Variants in VASP observed in about 807,000 individuals in gnomAD.
VASP encodes the protein vasodilator stimulated phosphoprotein, also known as vasodilator-stimulated phosphoprotein.
VASP carries 27 observed loss-of-function variants against 54.4 expected under a neutral mutation model. The ratio of observed to expected loss-of-function variants is 0.50; its 90% confidence interval spans 0.37 to 0.68. The LOEUF (loss-of-function observed/expected upper bound fraction) is 0.68. VASP is among the 30% of genes least tolerant of loss of function. VASP has a pLI of 0.00. For synonymous variants in VASP, 233 were observed against 209.8 expected (o/e 1.11, Z -0.96); for missense variants, 488 against 528.3 (o/e 0.92, Z 0.75).
Position 45,518,087 on chromosome 19 carries a change from G to C in VASP, c.336G>C (p.Ala112=). 1 of 1,613,052 alleles carries C rather than the reference G, an allele frequency of 6.2e-7. No homozygotes were observed. The highest frequency in any genetic ancestry group is 8.5e-7 in the Non-Finnish European group (1 of 1,179,666). ...CCGGCATGGCCAGTGCCCTAGAGGC[G>C]TTGGAAGGTCAGAAATGGCGGCGGG... is the stretch of plus-strand genomic sequence containing the variant. ...FAAGMASALE[A]LEGGGPPPPP... The change falls in exon 3 of 13, where the codon GCG becomes GCC. Residue 112 remains alanine, a synonymous_variant. Transcript: ENST00000245932.
rs376225995 is a variant in VASP at position 45,524,587 on chromosome 19, C to T, written c.974C>T (p.Ser325Leu). 3.2e-5 allele frequency: 52 copies of T among 1,613,826 alleles called. No homozygotes were observed. In the East Asian group the frequency reaches 9.1e-4, roughly 28 times the overall value. ...TTLPRMKSSS[S>L]VTTSETQPCT... ...TCCCCCAGGATGAAGTCGTCTTCTT[C>T]GGTGACCACTTCCGAGACCCAACCC... The change falls in exon 11 of 13, where the codon TCG becomes TTG. Residue 325 changes from serine to leucine, a missense_variant. Around this residue, in one of 4 missense-constraint regions of VASP, gnomAD observed 126 missense variants for 134.8 expected, o/e 0.94. Coordinates refer to ENST00000245932, the MANE Select transcript of VASP (RefSeq NM_003370.4).
At chr19:45,513,624 T>A (rs1568386092) in intron 1 of VASP, among the ~76,000 whole-genome samples, 1 of 151,828 alleles carries the variant, frequency 6.6e-6, no homozygotes, top group East Asian at 1.9e-4. Context: ...TGAGCCACCA[T>A]GCCTGGCTAA....
intron 3 of VASP, among the ~76,000 whole-genome samples, chr19:45,519,051 G>A (rs1210125205): frequency 6.6e-6 from 1 of 152,040 alleles, no homozygotes; most frequent in Admixed American, 6.6e-5. Context: ...GTCTCACTCT[G>A]TTGCCCAGGC....
Position 45,522,340 on chromosome 19 carries a change from G to C in VASP, c.479G>C (p.Gly160Ala). ...GCCCCCTTTTCTGTGTTTGTTTCAG[G>C]AGGCCCACCTGCTCCCCCCGCTGGG... ...EHIERRVSNA[G>A]GPPAPPAGGP... The change falls in exon 6 of 13, where the codon GGA becomes GCA. Residue 160 changes from glycine to alanine, a missense_variant and splice_region_variant. Physicochemically the swap from Gly to Ala is moderately conservative, Grantham distance 60. This residue lies in a region of VASP where 226 missense variants were observed against 196.0 expected (regional missense o/e 1.15). Transcript: ENST00000245932. 6.2e-7 allele frequency: 1 copy of C among 1,603,736 alleles called. No individual in the cohort carries two copies. Among genetic ancestry groups the C allele is most frequent in the South Asian group, 1.1e-5 (1 of 89,762 alleles).
At chr19:45,508,754 C>T (rs1299628228) in intron 1 of VASP, among the ~76,000 whole-genome samples, 1 of 152,196 alleles carries the variant, frequency 6.6e-6, no homozygotes, top group East Asian at 1.9e-4. Context: ...TAGCCCTCTT[C>T]CCTAGGGACC....
Position 45,507,829 on chromosome 19 carries a change from CG to C in VASP, c.5+54del. The C allele has an allele frequency of 2.4e-6, 3 of 1,230,362 alleles. No individual in the cohort carries two copies. Among genetic ancestry groups the C allele is most frequent in the Non-Finnish European group, 2.1e-6 (2 of 945,866 alleles). 76.2% of individuals were successfully genotyped at this position (1,230,362 alleles called of 1,614,324 possible). On this transcript the variant is annotated intron_variant, in intron 1 of 12. Coordinates refer to ENST00000245932, the MANE Select transcript of VASP (RefSeq NM_003370.4). This position sits in a 1 kb window ranked among gnomAD's most constrained non-coding sequence, Gnocchi z 4.4. ...CCCCGCCCGGGCGGGCTCCGCGCCCCGCCTTTGTCCCCCTCCCCCCCAGCTA... is the reference window on the plus strand; with the variant it reads ...CCCCGCCCGGGCGGGCTCCGCGCCCCCCTTTGTCCCCCTCCCCCCCAGCTA...
rs2301283 is a variant in VASP, at chr19:45,521,326, T to G, written c.348T>G (p.Gly116=). 0.04 allele frequency: 63,072 copies of G among 1,574,162 alleles called. 2,371 individuals are homozygous for G. The highest frequency in any genetic ancestry group is 0.2 in the East Asian group (8,539 of 42,730). Residue 116 remains glycine (G), a synonymous_variant, in exon 4 of 13, where the codon GGT becomes GGG. Transcript: ENST00000245932. Reference sequence around the variant, plus strand: ...CCTTTCTCTCTCACCTTTCAGGAGGTGGGCCCCCTCCACCCCCAGCACTTC... The same window carrying G: ...CCTTTCTCTCTCACCTTTCAGGAGGGGGGCCCCCTCCACCCCCAGCACTTC... The part of the protein sequence containing the change: ...MASALEALEG[G]GPPPPPALPT...
chr19:45,514,154 G>T (rs1214168401), intron 1 of VASP, among the ~76,000 whole-genome samples: 1 of 152,164 alleles, frequency 6.6e-6, no homozygotes, highest in Non-Finnish European at 1.5e-5. Context: ...GCCTGAGGAA[G>T]AAGCAGCACA....
intron 11 of VASP, among the ~76,000 whole-genome samples, chr19:45,525,534 A>G (rs1181907958): frequency 6.6e-6 from 1 of 152,210 alleles, no homozygotes; most frequent in East Asian, 1.9e-4. Context: ...CCCTGTCTCT[A>G]CTAAAAATAC....
intron 9 of VASP, 50 bp from the exon 10 acceptor site, chr19:45,524,047 G>T (rs138814428): frequency 1.6e-5 from 26 of 1,612,734 alleles, no homozygotes; most frequent in Middle Eastern, 3.3e-4. Context: ...AAGATTGATT[G>T]GGGGGCAGTC....
At chr19:45,509,392 C>A (rs1438521849) in intron 1 of VASP, among the ~76,000 whole-genome samples, 1 of 88,914 alleles carries the variant, frequency 1.1e-5, no homozygotes, top group Non-Finnish European at 2.5e-5. Context: ...CGCCCCTCCA[C>A]CCCCCCTCGC....
At chr19:45,517,455 C>T (rs1018124091) in intron 1 of VASP, among the ~76,000 whole-genome samples, 1 of 151,854 alleles carries the variant, frequency 6.6e-6, no homozygotes, top group South Asian at 2.1e-4. Context: ...GCGTCTGTCT[C>T]TTGCATCTCG....
chr19:45,522,095 G>A (rs1240964033), intron 4 of VASP, 73 bp from the exon 5 acceptor site: 47 of 1,598,868 alleles, frequency 2.9e-5, no homozygotes, highest in Admixed American at 8.4e-5. Context: ...GAGAGAGGAC[G>A]GAGGTCGCTG....
At chr19:45,523,181 A>C (rs553745945) in intron 7 of VASP, among the ~76,000 whole-genome samples, 9 of 134,132 alleles carry the variant, frequency 6.7e-5, no homozygotes, top group Admixed American at 4.9e-4. Context: ...TAGAACCACA[A>C]TCTCTTGAAT....
intron 1 of VASP, among the ~76,000 whole-genome samples, chr19:45,516,177 TG>T (rs1824801171): frequency 6.6e-6 from 1 of 152,206 alleles, no homozygotes; most frequent in Non-Finnish European, 1.5e-5. Flanking sequence ...TGGTACCGTC[TG>T]GGGACAGCTG....
chr19:45,508,270 G>A (rs1968528771), intron 1 of VASP, among the ~76,000 whole-genome samples: 1 of 152,196 alleles, frequency 6.6e-6, no homozygotes, highest in South Asian at 2.1e-4. Context: ...GTCTCCCCAA[G>A]TGGGACCGCG....
In VASP at chr19:45,524,162, G is replaced by C; in HGVS notation, c.956+20G>C. The C allele has an allele frequency of 6.2e-7, 1 of 1,612,752 alleles. No homozygotes were observed. The highest frequency in any genetic ancestry group is 8.5e-7 in the Non-Finnish European group (1 of 1,179,978). On this transcript the variant is annotated intron_variant, in intron 10 of 12. Coordinates refer to ENST00000245932, the MANE Select transcript of VASP (RefSeq NM_003370.4). ...GCCAAGGTAGGCCATCGGTCCTGGG[G>C]CCCTTGGGGAGGTAAAGGCGGGCAG...
chr19:45,510,396 T>A (rs1336143566), intron 1 of VASP, among the ~76,000 whole-genome samples: 1 of 152,118 alleles, frequency 6.6e-6, no homozygotes, highest in Non-Finnish European at 1.5e-5. Context: ...CGGCTAATTT[T>A]TATATTTTTA....
chr19:45,507,802 G>A lies in VASP; in HGVS notation c.5+26G>A, dbSNP rs1477405270. ...GTGAGCCGGACCTGCCCCCCGACCCGTCCCCGCCCGGGCGGGCTCCGCGCC... is the reference window on the plus strand; with the variant it reads ...GTGAGCCGGACCTGCCCCCCGACCCATCCCCGCCCGGGCGGGCTCCGCGCC... On this transcript the variant is annotated intron_variant, in intron 1 of 12. Coordinates refer to ENST00000245932, the MANE Select transcript of VASP (RefSeq NM_003370.4). The surrounding 1 kb of genome is among the most constrained non-coding windows in gnomAD (Gnocchi z 4.4). The A allele has an allele frequency of 2.4e-6, 3 of 1,227,676 alleles. No homozygotes were observed. The highest frequency in any genetic ancestry group is 3.1e-6 in the Non-Finnish European group (3 of 979,276). The allele number at this position is 1,227,676 out of a possible 1,614,324, so 76.0% of individuals were successfully genotyped here. A position where few individuals can be genotyped will look rare whatever the true frequency, so the allele number is the denominator to read the frequency against.
Sources: allele counts gnomAD v4.1 joint callset (sites outside exome capture counted in the v4.1 genomes callset), GRCh38; gene constraint gnomAD v4.1.1; regional missense constraint gnomAD v4.1.1; non-coding constraint Gnocchi (gnomAD v3.1); transcripts MANE v1.5; gene names NCBI Gene and HGNC (gene_info 2026-07-23, HGNC 2026-07-21).